Variants in VPS37A observed in about 807,000 individuals in gnomAD.
VPS37A encodes vacuolar protein sorting-associated protein 37A.
VPS37A carries 30 observed loss-of-function variants against 49.8 expected under a neutral mutation model. That is an observed-to-expected ratio of 0.60 (90% CI 0.45 to 0.82). VPS37A has a LOEUF of 0.82. Ranked by LOEUF, VPS37A falls within the 40% of genes least tolerant of loss-of-function variation. The pLI, the probability that VPS37A is intolerant of heterozygous loss-of-function variation, is 0.00. For synonymous variants in VPS37A, 195 were observed against 160.6 expected (o/e 1.21, Z -1.62); for missense variants, 593 against 464.4 (o/e 1.28, Z -2.55).
intron 1 of VPS37A, among the ~76,000 whole-genome samples, chr8:17,250,110 A>G (rs1234571119): frequency 2.6e-5 from 4 of 152,180 alleles, no homozygotes; most frequent in South Asian, 4.1e-4. Context: ...TTTGTAGGGA[A>G]GAAGGGTTGT....
intron 11 of VPS37A, among the ~76,000 whole-genome samples, chr8:17,293,608 T>A (rs186335767): frequency 2.0e-5 from 3 of 152,278 alleles, no homozygotes; most frequent in Admixed American, 2.0e-4. Context: ...CTACCTTTGT[T>A]CTTTGTTGTT....
chr8:17,305,054 T>C (rs529308417), downstream of VPS37A, among the ~76,000 whole-genome samples: 11 of 152,348 alleles, frequency 7.2e-5, no homozygotes, highest in East Asian at 1.9e-3. Context: ...GGATACACTC[T>C]GCTCCTTCTA....
the VPS37A span, chr8:17,331,374 C>T: frequency 7.5e-7 from 1 of 1,330,078 alleles, no homozygotes; most frequent in Non-Finnish European, 1.0e-6. Flanking sequence ...CCAATCAAAG[C>T]ATTCAGAATG....
rs565474319 is a variant in VPS37A, at chr8:17,279,462, A to G, written c.714-566A>G. Among the ~76,000 whole-genome samples the G allele has an allele frequency of 2.0e-4, 30 of 152,246 alleles. 1 individual carries two copies. In the South Asian group the frequency reaches 3.5e-3, roughly 18 times the overall value. ...GAACTTGTACTTGTCTGAATTTACT[A>G]TAGTACTAGTGTGTTCAACATTATG... On this transcript the variant is annotated intron_variant, in intron 6 of 11. Coordinates refer to ENST00000324849, the MANE Select transcript of VPS37A (RefSeq NM_152415.3).
intron 9 of VPS37A, among the ~76,000 whole-genome samples, chr8:17,280,847 C>T (rs937119915): frequency 6.6e-6 from 1 of 151,566 alleles, no homozygotes; most frequent in Non-Finnish European, 1.5e-5. Flanking sequence ...TTATCTGCTA[C>T]AAATAAGTTT....
intron 1 of VPS37A, 105 bp downstream of exon 1, chr8:17,247,474 T>G (rs1413676939): frequency 2.8e-6 from 4 of 1,444,180 alleles, no homozygotes; most frequent in Non-Finnish European, 3.7e-6. Context: ...CAGCTCCTCA[T>G]GTGGTTTACC....
At chr8:17,307,854 A>G in the VPS37A span, among the ~76,000 whole-genome samples, 2 of 148,452 alleles carry the variant, frequency 1.3e-5, no homozygotes, top group East Asian at 2.0e-4. Context: ...ACAAGGACAC[A>G]GGAAGGGGAA....
chr8:17,292,016 C>T (rs752574396), intron 11 of VPS37A, among the ~76,000 whole-genome samples: 5 of 152,102 alleles, frequency 3.3e-5, no homozygotes, highest in Non-Finnish European at 7.3e-5. Context: ...AGTTCAAGTC[C>T]TGAATATCCT....
At chr8:17,302,526 T>C (rs1039490749), downstream of VPS37A, 1 of 359,570 alleles carries the variant, frequency 2.8e-6, no homozygotes, top group Middle Eastern at 7.4e-4. Flanking sequence ...TAGCACAGAA[T>C]ACATTTTTCT....
the VPS37A span, among the ~76,000 whole-genome samples, chr8:17,309,028 A>C: frequency 1.3e-5 from 2 of 152,230 alleles, no homozygotes; most frequent in Non-Finnish European, 2.9e-5. Context: ...CCTCACTAAG[A>C]CAATGAACAA....
intron 1 of VPS37A, among the ~76,000 whole-genome samples, chr8:17,264,749 A>T (rs1813287569): frequency 6.6e-6 from 1 of 152,204 alleles, no homozygotes; most frequent in South Asian, 2.1e-4. Context: ...TTCATGCTTG[A>T]AGAAGTTTCA....
chr8:17,331,008 T>C, the VPS37A span: 1 of 1,008,884 alleles, frequency 9.9e-7, no homozygotes, highest in Non-Finnish European at 1.4e-6. Flanking sequence ...TTCTTAAGTG[T>C]TTAAAAAGCC....
chr8:17,322,723 G>A, the VPS37A span, among the ~76,000 whole-genome samples: 1 of 152,068 alleles, frequency 6.6e-6, no homozygotes, highest in South Asian at 2.1e-4. Context: ...TACTCAGGAG[G>A]GTGAGGCAGG....
At chr8:17,300,279 T>C, downstream of VPS37A, 2 of 1,520,092 alleles carry the variant, frequency 1.3e-6, no homozygotes, top group Non-Finnish European at 1.8e-6. Context: ...TATCTTTTTC[T>C]ATATATGCAT....
At chr8:17,254,333 G>A (rs1812239307) in intron 1 of VPS37A, among the ~76,000 whole-genome samples, 1 of 152,118 alleles carries the variant, frequency 6.6e-6, no homozygotes. Flanking sequence ...AGGAGTCTCC[G>A]CTAGCTTAGA....
At chr8:17,311,781 C>CTAAT in the VPS37A span, 1 of 1,288,730 alleles carries the variant, frequency 7.8e-7, no homozygotes, top group South Asian at 1.4e-5. Context: ...AGGGCCCCCC[C>CTAAT]TAATTAGGGC....
At chr8:17,258,529 G>T (rs1295811024) in intron 1 of VPS37A, among the ~76,000 whole-genome samples, 1 of 151,972 alleles carries the variant, frequency 6.6e-6, no homozygotes, top group Non-Finnish European at 1.5e-5. Flanking sequence ...ATGTTTTGTC[G>T]AATTTGGTTT....
At chr8:17,299,796 C>T (rs1816984584), downstream of VPS37A, 1 of 1,581,146 alleles carries the variant, frequency 6.3e-7, no homozygotes. Flanking sequence ...CAATAAACCA[C>T]CTTGTTCCCT....
downstream of VPS37A, chr8:17,305,877 T>C: frequency 6.2e-7 from 1 of 1,613,736 alleles, no homozygotes; most frequent in Non-Finnish European, 8.5e-7. Flanking sequence ...GGGAAATTGT[T>C]CCATTAACTG....
Sources: allele counts gnomAD v4.1 joint callset (sites outside exome capture counted in the v4.1 genomes callset), GRCh38; gene constraint gnomAD v4.1.1; transcripts MANE v1.5; gene names NCBI Gene and HGNC (gene_info 2026-07-23, HGNC 2026-07-21).